CADM2: variants seen among roughly 807,000 people sequenced by gnomAD.
CADM2 encodes the protein cell adhesion molecule 2, also known as immunoglobulin superfamily member 4D.
Under a neutral mutation model 49.8 loss-of-function variants are expected in CADM2, and 12 were observed. The observed-to-expected ratio is 0.24, with a 90% CI of 0.15 to 0.39. The LOEUF (loss-of-function observed/expected upper bound fraction) is 0.39, where lower values mean the gene tolerates loss of function less well. Ranked by LOEUF, CADM2 falls within the 10% of genes least tolerant of loss-of-function variation. The pLI is 1.00. For missense variants in CADM2, 378 were observed against 492.3 expected, an observed-to-expected ratio of 0.77 and a Z score of 2.20; for synonymous variants, 214 against 175.4, an observed-to-expected ratio of 1.22 and a Z score of -1.74.
chr3:85,418,157 C>T (rs974550282), intron 1 of CADM2, among the ~76,000 whole-genome samples: 3 of 151,780 alleles, frequency 2.0e-5, no homozygotes, highest in Non-Finnish European at 2.9e-5. Context: ...TAAAATTATG[C>T]CAGTCCAGGA....
chr3:85,439,675 T>C (rs1277880773), intron 1 of CADM2, among the ~76,000 whole-genome samples: 2 of 152,096 alleles, frequency 1.3e-5, no homozygotes, highest in Admixed American at 6.6e-5. Flanking sequence ...CAGTATGCCA[T>C]GTGTTTTGGG....
chr3:85,875,133 A>G (rs1711636373), intron 3 of CADM2, among the ~76,000 whole-genome samples: 1 of 152,108 alleles, frequency 6.6e-6, no homozygotes, highest in South Asian at 2.1e-4. Context: ...GTCTTTACCA[A>G]TTTTCCAGAA....
intron 1 of CADM2, among the ~76,000 whole-genome samples, chr3:85,410,020 G>C (rs1311664500): frequency 6.6e-6 from 1 of 152,020 alleles, no homozygotes; most frequent in Non-Finnish European, 1.5e-5. Flanking sequence ...TCTGCTTCCT[G>C]CCTGATGATT....
intron 1 of CADM2, among the ~76,000 whole-genome samples, chr3:85,357,643 C>G (rs1447220148): frequency 1.4e-5 from 2 of 146,432 alleles, no homozygotes; most frequent in African/African-American, 5.0e-5. Flanking sequence ...CTAATTTACT[C>G]CCAAATCCAT....
chr3:86,051,974 A>C (rs1339552812), intron 8 of CADM2, among the ~76,000 whole-genome samples: 1 of 152,062 alleles, frequency 6.6e-6, no homozygotes, highest in African/African-American at 2.4e-5. Context: ...TTTCAAAAAA[A>C]AACTTTGTTA....
chr3:85,888,945 C>T (rs1486167810), intron 5 of CADM2, among the ~76,000 whole-genome samples: 1 of 151,994 alleles, frequency 6.6e-6, no homozygotes, highest in Admixed American at 6.6e-5. Context: ...TCACTTGACA[C>T]GTTTTAAAAA....
chr3:85,658,611 TATATATAC>T (rs1242429921), intron 1 of CADM2, among the ~76,000 whole-genome samples: 4 of 135,996 alleles, frequency 2.9e-5, no homozygotes, highest in Non-Finnish European at 4.7e-5. Context: ...TATATATATA[TATATATAC>T]ATGTATGCAT....
At chr3:85,345,175 C>A (rs949823525) in intron 1 of CADM2, among the ~76,000 whole-genome samples, 1 of 151,610 alleles carries the variant, frequency 6.6e-6, no homozygotes, top group Non-Finnish European at 1.5e-5. Flanking sequence ...GTTAGCTGAG[C>A]ATGGTGTGTG....
intron 1 of CADM2, among the ~76,000 whole-genome samples, chr3:85,687,256 G>A (rs2066244589): frequency 6.6e-6 from 1 of 151,990 alleles, no homozygotes; most frequent in Admixed American, 6.6e-5. Flanking sequence ...TAATTGACAG[G>A]AACATTCAAA....
intron 1 of CADM2, among the ~76,000 whole-genome samples, chr3:85,687,193 A>G (rs926137250): frequency 6.6e-6 from 1 of 152,244 alleles, no homozygotes; most frequent in Admixed American, 6.5e-5. Flanking sequence ...TTAACTGACA[A>G]TTACATTTAA....
intron 8 of CADM2, among the ~76,000 whole-genome samples, chr3:86,055,968 C>A (rs1236473369): frequency 1.3e-5 from 2 of 152,178 alleles, no homozygotes; most frequent in Non-Finnish European, 2.9e-5. Context: ...AAATTAGACT[C>A]TAAGTTATGT....
At chr3:85,837,959 A>G (rs1201391118) in intron 3 of CADM2, among the ~76,000 whole-genome samples, 1 of 151,792 alleles carries the variant, frequency 6.6e-6, no homozygotes, top group Non-Finnish European at 1.5e-5. Flanking sequence ...CTACTGTTAT[A>G]AGCACACCAA....
chr3:85,231,252 T>G (rs1407026653), intron 1 of CADM2, among the ~76,000 whole-genome samples: 1 of 152,176 alleles, frequency 6.6e-6, no homozygotes, highest in Non-Finnish European at 1.5e-5. Flanking sequence ...TTGCTATGAT[T>G]TATGTTTTTT....
At chr3:85,106,157 T>C (rs573025959) in intron 1 of CADM2, among the ~76,000 whole-genome samples, 3 of 152,088 alleles carry the variant, frequency 2.0e-5, no homozygotes, top group African/African-American at 7.2e-5. Flanking sequence ...AAAATACATA[T>C]GAGCTACTGA....
intron 1 of CADM2, among the ~76,000 whole-genome samples, chr3:84,980,042 TATTG>T (rs2032074128): frequency 6.6e-6 from 1 of 152,302 alleles, no homozygotes; most frequent in Admixed American, 6.5e-5. Context: ...ATAAAGGTTT[TATTG>T]ATTAATTTAG....
intron 8 of CADM2, among the ~76,000 whole-genome samples, chr3:86,053,701 T>C (rs1199653992): frequency 1.3e-5 from 2 of 152,042 alleles, no homozygotes; most frequent in Non-Finnish European, 2.9e-5. Context: ...AGGTTCAGTT[T>C]TGCAGTTAGG....
chr3:85,902,203 T>C (rs1486257304), intron 5 of CADM2, among the ~76,000 whole-genome samples: 1 of 152,076 alleles, frequency 6.6e-6, no homozygotes, highest in African/African-American at 2.4e-5. Context: ...AGTGCTCTCT[T>C]TACATAGATG....
intron 3 of CADM2, among the ~76,000 whole-genome samples, chr3:85,810,243 C>G (rs1341670534): frequency 6.6e-6 from 1 of 152,108 alleles, no homozygotes; most frequent in Non-Finnish European, 1.5e-5. Flanking sequence ...AACCTCTGTT[C>G]TCTTGTCAAT....
intron 8 of CADM2, among the ~76,000 whole-genome samples, chr3:86,064,957 C>T (rs1016539241): frequency 1.3e-5 from 2 of 152,186 alleles, no homozygotes; most frequent in South Asian, 2.1e-4. Flanking sequence ...CCCCTGCTTT[C>T]CCGCCAAAAT....
Sources: gnomAD v4.1 joint callset for allele counts (sites outside exome capture counted in the v4.1 genomes callset) on GRCh38, gnomAD v4.1.1 for gene constraint, MANE v1.5 for transcripts, NCBI Gene and HGNC (gene_info 2026-07-23, HGNC 2026-07-21) for gene names.